Variants in INPP5A observed in about 807,000 individuals in gnomAD.
INPP5A encodes the protein inositol polyphosphate-5-phosphatase A.
A neutral mutation model predicts 65.2 loss-of-function variants in INPP5A; 14 were observed. The observed-to-expected ratio is 0.21, with a 90% CI of 0.14 to 0.34. The LOEUF (loss-of-function observed/expected upper bound fraction) is 0.34, where lower values mean the gene tolerates loss of function less well. Ranked by LOEUF, INPP5A falls within the 10% of genes least tolerant of loss-of-function variation. The pLI is 1.00. For synonymous variants in INPP5A, 207 were observed against 208.3 expected (o/e 0.99, Z 0.05); for missense variants, 431 against 545.6 (o/e 0.79, Z 2.09).
intron 5 of INPP5A, among the ~76,000 whole-genome samples, chr10:132,690,681 C>A (rs1845244145): frequency 6.6e-6 from 1 of 152,116 alleles, no homozygotes; most frequent in African/African-American, 2.4e-5. Context: ...ACCTGGCTTT[C>A]CTAGAGTTGA....
rs189582133 is a variant in INPP5A, at chr10:132,620,235, C to T, written c.117+12279C>T. Among the ~76,000 whole-genome samples the T allele has an allele frequency of 1.6e-3, 243 of 152,344 alleles. 1 individual carries two copies. The highest frequency in any genetic ancestry group is 0.01 in the Middle Eastern group (3 of 294). ...TGTCATTGTCTCGTCTGTTGGCACT[C>T]GACTCCTTTTTAGTTATGCAAATAT... On this transcript the variant is annotated intron_variant, in intron 2 of 15. Coordinates refer to ENST00000368594, the MANE Select transcript of INPP5A (RefSeq NM_005539.5).
At chr10:132,758,403 C>T (rs1846669460) in intron 11 of INPP5A, among the ~76,000 whole-genome samples, 1 of 150,140 alleles carries the variant, frequency 6.7e-6, no homozygotes, top group Admixed American at 6.6e-5. Flanking sequence ...CTGGCTGACC[C>T]CACAACACAG....
chr10:132,739,350 C>T (rs1382842292), intron 9 of INPP5A, among the ~76,000 whole-genome samples: 1 of 152,278 alleles, frequency 6.6e-6, no homozygotes. Flanking sequence ...GCCGGGGTCC[C>T]TCTGCCAAGC....
chr10:132,708,195 A>G lies in INPP5A; in HGVS notation c.475-118A>G, dbSNP rs1845569629. ...TTTAGTGGGGCGGCATCAGTGCCGG[A>G]AGAGCCCTGCTGTTTTTTGTTTGGA... On this transcript the variant is annotated intron_variant, in intron 6 of 15. Transcript: ENST00000368594. 11 of 840,558 alleles carry G rather than the reference A, an allele frequency of 1.3e-5. No homozygotes were observed. In the Middle Eastern group the frequency reaches 7.5e-4, roughly 57 times the overall value. 52.1% of individuals were successfully genotyped at this position (840,558 alleles called of 1,614,324 possible). A position where few individuals can be genotyped will look rare whatever the true frequency, so the allele number is the denominator to read the frequency against.
intron 8 of INPP5A, among the ~76,000 whole-genome samples, chr10:132,718,186 G>T (rs555721626): frequency 7.3e-6 from 1 of 137,640 alleles, no homozygotes; most frequent in Non-Finnish European, 1.5e-5. Context: ...CTGTCTGGGC[G>T]CCTTAGACGG....
Position 132,645,840 on chromosome 10 carries a change from C to A in INPP5A, c.118-28C>A, listed in dbSNP as rs562273551. ...GTGGCTCTGTGGACGGCTCCGACGA[C>A]CCTGACAGTGTGCTTCTCTCCCTCC... On this transcript the variant is annotated intron_variant, in intron 2 of 15. Coordinates refer to ENST00000368594, the MANE Select transcript of INPP5A (RefSeq NM_005539.5). 3 of 1,573,120 alleles carry A rather than the reference C, an allele frequency of 1.9e-6. No homozygotes were observed. In the East Asian group the frequency reaches 6.8e-5, roughly 36 times the overall value.
At chr10:132,780,736 G>A (rs557184078) in intron 13 of INPP5A, 113 bp from the exon 14 acceptor site, 9 of 872,094 alleles carry the variant, frequency 1.0e-5, no homozygotes, top group Admixed American at 3.4e-5. Context: ...GGCAGGGGCC[G>A]ACATCCCCAT....
At chr10:132,745,593 T>TGGCCCCAGCCCGGGCCTCGGGTGG (rs1590977419) in intron 9 of INPP5A, among the ~76,000 whole-genome samples, 1 of 108,450 alleles carries the variant, frequency 9.2e-6, no homozygotes, top group African/African-American at 2.7e-5. Flanking sequence ...GCCTCGGGTG[T>TGGCCCCAGCCCGGGCCTCGGGTGG]GGTGGGCCCA....
In INPP5A at chr10:132,777,529, A is replaced by G. The variant is rs974441417; in HGVS notation, c.978-142A>G. The G allele has an allele frequency of 7.2e-6, 5 of 690,206 alleles. No homozygotes were observed. In the South Asian group the frequency reaches 8.5e-5, roughly 12 times the overall value. 42.8% of individuals were successfully genotyped at this position (690,206 alleles called of 1,614,324 possible). On this transcript the variant is annotated intron_variant, in intron 12 of 15. Coordinates refer to ENST00000368594, the MANE Select transcript of INPP5A (RefSeq NM_005539.5). Reference sequence around the variant, plus strand: ...AATTGTGAATTTGGTTTTATATTCTAGAAACTTCCATGTGTGTATTCATTC... The same window carrying G: ...AATTGTGAATTTGGTTTTATATTCTGGAAACTTCCATGTGTGTATTCATTC...
At chr10:132,640,874 TG>T (rs1424510401) in intron 2 of INPP5A, among the ~76,000 whole-genome samples, 6 of 152,240 alleles carry the variant, frequency 3.9e-5, no homozygotes, top group Admixed American at 6.5e-5. Flanking sequence ...TGGCTGGAGG[TG>T]TCCTGTGGCT....
At position 132,538,076 on chromosome 10, in the gene INPP5A, C is replaced by A. The variant is rs1250896752; in HGVS notation, c.-21C>A. 2.0e-5 allele frequency: 23 copies of A among 1,130,452 alleles called. No individual in the cohort carries two copies. The East Asian group carries it at 9.9e-4, about 49-fold the overall frequency. 70.0% of individuals were successfully genotyped at this position (1,130,452 alleles called of 1,614,324 possible). A position where few individuals can be genotyped will look rare whatever the true frequency, so the allele number is the denominator to read the frequency against. ...CCGCCGCCGCCGCCGCCCAGCCCAG[C>A]GCCCGCGCCGCCCGGGCACCATGGC... On this transcript the variant is annotated 5_prime_UTR_variant, in exon 1 of 16. Transcript: ENST00000368594. This position sits in a 1 kb window ranked among gnomAD's most constrained non-coding sequence, Gnocchi z 4.1.
chr10:132,779,700 C>T (rs1037032771), intron 13 of INPP5A, among the ~76,000 whole-genome samples: 2 of 152,218 alleles, frequency 1.3e-5, no homozygotes, highest in African/African-American at 4.8e-5. Flanking sequence ...ATGGGGCCAC[C>T]CAGTGGGCAG....
At chr10:132,588,982 TCTG>T (rs2071583650) in intron 1 of INPP5A, among the ~76,000 whole-genome samples, 1 of 151,886 alleles carries the variant, frequency 6.6e-6, no homozygotes, top group African/African-American at 2.4e-5. Context: ...GGTCCCACGT[TCTG>T]GTGTGTGTCG....
At chr10:132,699,917 G>C (rs1207904989) in intron 6 of INPP5A, among the ~76,000 whole-genome samples, 1 of 152,206 alleles carries the variant, frequency 6.6e-6, no homozygotes, top group East Asian at 1.9e-4. Context: ...GGGGGCCTCT[G>C]CTATGACTTT....
At chr10:132,646,391 G>A (rs2072495160) in intron 3 of INPP5A, among the ~76,000 whole-genome samples, 1 of 152,142 alleles carries the variant, frequency 6.6e-6, no homozygotes, top group Non-Finnish European at 1.5e-5. Context: ...TAGGAGGAAG[G>A]TGCCCCACGT....
At chr10:132,577,694 A>T (rs551913916) in intron 1 of INPP5A, among the ~76,000 whole-genome samples, 3 of 152,128 alleles carry the variant, frequency 2.0e-5, no homozygotes, top group Non-Finnish European at 4.4e-5. Context: ...CCCTGAGGAG[A>T]TGGATGAGGT....
chr10:132,769,684 G>A (rs933765279), intron 12 of INPP5A, among the ~76,000 whole-genome samples: 5 of 152,150 alleles, frequency 3.3e-5, no homozygotes, highest in Non-Finnish European at 7.4e-5. Context: ...GAGCAGAGGC[G>A]GCGATGGGCT....
At position 132,685,899 on chromosome 10, in the gene INPP5A, A is replaced by G. The variant is rs184008352; in HGVS notation, c.307-4493A>G. On this transcript the variant is annotated intron_variant, in intron 4 of 15. Transcript: ENST00000368594. ...GTGACACGGTGTGGCCATTTATCAC[A>G]TTACCGGACTCCAATTGAAGTTGAG... 3.3e-4 allele frequency among the ~76,000 whole-genome samples: 50 copies of G among 152,366 alleles called. No individual in the cohort carries two copies. In the East Asian group the frequency reaches 3.7e-3, roughly 11 times the overall value.
chr10:132,732,970 T>C (rs969377052), intron 9 of INPP5A, among the ~76,000 whole-genome samples: 7 of 152,204 alleles, frequency 4.6e-5, no homozygotes, highest in Admixed American at 1.3e-4. Flanking sequence ...AGAAGTTTAT[T>C]CTCTCACAGT....
Sources: gnomAD v4.1 joint callset for allele counts (sites outside exome capture counted in the v4.1 genomes callset) on GRCh38, gnomAD v4.1.1 for gene constraint, Gnocchi (gnomAD v3.1) non-coding constraint, MANE v1.5 for transcripts, NCBI Gene and HGNC (gene_info 2026-07-23, HGNC 2026-07-21) for gene names.